Variants in PTPDC1 observed in about 807,000 individuals in gnomAD.
The protein encoded by PTPDC1 is protein tyrosine phosphatase domain containing 1, also known as protein tyrosine phosphatase domain-containing protein 1.
In PTPDC1, 53 loss-of-function variants were observed where a neutral mutation model predicts 75.3. The ratio of observed to expected loss-of-function variants is 0.70; its 90% CI spans 0.56 to 0.88. The LOEUF (loss-of-function observed/expected upper bound fraction) is 0.88. Ranked by LOEUF, PTPDC1 falls within the 40% of genes least tolerant of loss-of-function variation. PTPDC1 has a pLI of 0.00. For synonymous variants in PTPDC1, 349 were observed against 366.2 expected, an observed-to-expected ratio of 0.95 and a Z score of 0.54; for missense variants, 925 against 998.6, an observed-to-expected ratio of 0.93 and a Z score of 0.99.
intron 6 of PTPDC1, 170 bp downstream of exon 6, chr9:94,098,749 A>G (rs1440145557): frequency 3.1e-6 from 2 of 644,664 alleles, no homozygotes; most frequent in East Asian, 2.7e-5. Context: ...TGTTATAGAA[A>G]AAACACAGGG....
In PTPDC1 at chr9:94,097,678, C is replaced by G. The variant is rs376729467; in HGVS notation, c.1112C>G (p.Ser371Cys). The G allele has an allele frequency of 1.8e-5, 29 of 1,614,084 alleles. No individual in the cohort carries two copies. The highest frequency in any genetic ancestry group is 2.5e-5 in the Non-Finnish European group (29 of 1,180,046). The change falls in exon 6 of 9, where the codon TCT (serine) becomes TGT (cysteine). Residue 371 changes from serine (S) to cysteine (C), a missense_variant. Transcript: ENST00000620992. ...MKDVSEGPGL[S>C]AEIEKTMSEM... The stretch of plus-strand genomic sequence containing the variant: ...GATGTGTCCGAAGGACCTGGTCTCT[C>G]TGCTGAAATAGAAAAGACAATGTCT...
upstream of PTPDC1, among the ~76,000 whole-genome samples, chr9:94,083,358 C>A (rs145689261): frequency 1.9e-4 from 29 of 152,054 alleles, 1 homozygote; most frequent in East Asian, 4.6e-3. Flanking sequence ...GACACCAAAT[C>A]GGGATTCTGT....
Position 94,085,333 on chromosome 9 carries a change from C to T in PTPDC1, c.327C>T (p.Ser109=), listed in dbSNP as rs749973467. The change falls in exon 2 of 9, where the codon TCC becomes TCT. Residue 109 remains serine, a synonymous_variant. Coordinates refer to ENST00000620992, the MANE Select transcript of PTPDC1 (RefSeq NM_001253829.2). ...RHVIPGHMAC[S]MACGGRACKY... is the part of the protein sequence containing the mutation. ...TCATTCCTGGACACATGGCATGTTC[C>T]ATGGCGTGTGGCGGTAGAGCTTGCA... 1.9e-6 allele frequency: 3 copies of T among 1,614,188 alleles called. No individual in the cohort carries two copies.
chr9:94,097,977 C>T lies in PTPDC1; in HGVS notation c.1411C>T (p.Gln471Ter). The change falls in exon 6 of 9, where the codon CAG becomes TAG. Residue 471 changes from glutamine (Q) to a stop codon, truncating the protein, a stop_gained. Coordinates refer to ENST00000620992, the MANE Select transcript of PTPDC1 (RefSeq NM_001253829.2). LOFTEE classifies it high-confidence loss of function. ...QGETPQTVPA[Q>*]ILVGHKPRQQ... ...GGAGACTCCACAGACAGTGCCTGCCCAGATCTTGGTTGGCCACAAGCCCAG... is the reference window on the plus strand; with the variant it reads ...GGAGACTCCACAGACAGTGCCTGCCTAGATCTTGGTTGGCCACAAGCCCAG... The T allele has an allele frequency of 6.2e-7, 1 of 1,614,180 alleles. No homozygotes were observed. Among genetic ancestry groups the T allele is most frequent in the Non-Finnish European group, 8.5e-7 (1 of 1,180,036 alleles).
chr9:94,072,888 TA>T lies in PTPDC1; in HGVS notation c.82+8069del, dbSNP rs554627641. The stretch of plus-strand genomic sequence containing the variant: ...ATAAATTTCATTTGGTAGTGGTGTA[TA>T]ATTCTTTTTATGCATTGCTGGATTT... On this transcript the variant is annotated intron_variant, in intron 2 of 9. Coordinates refer to the PTPDC1 transcript ENST00000375360. Among the ~76,000 whole-genome samples, 215 of 152,348 alleles carry T rather than the reference TA, an allele frequency of 1.4e-3. 1 individual carries two copies. Among genetic ancestry groups the T allele is most frequent in the Middle Eastern group, 6.8e-3 (2 of 294 alleles).
At chr9:94,092,502 C>G (rs1304018952) in intron 4 of PTPDC1, among the ~76,000 whole-genome samples, 1 of 147,170 alleles carries the variant, frequency 6.8e-6, no homozygotes, top group Non-Finnish European at 1.5e-5. Flanking sequence ...CTTTACTTCC[C>G]AGTATGTGGT....
rs553739317 is a variant in PTPDC1 at position 94,069,180 on chromosome 9, GA to G, written c.82+4360del. Among the ~76,000 whole-genome samples, 6 of 152,216 alleles carry G rather than the reference GA, an allele frequency of 3.9e-5. No individual in the cohort carries two copies. In the South Asian group the frequency reaches 1.2e-3, roughly 32 times the overall value. On this transcript the variant is annotated intron_variant, in intron 2 of 9. Transcript: ENST00000375360. ...TCATGATTCCCAACCCCTTTTAGGG[GA>G]CAAAGCTGGGAAATATGTGTTCATA...
In PTPDC1 at chr9:94,104,116, T is replaced by G. The variant is rs553929675; in HGVS notation, c.2200-159T>G. ...TTCAAATTATATTAACACATAACAA[T>G]AAACATTTGTTGATGTTTAGATATT... On this transcript the variant is annotated intron_variant, in intron 7 of 8. Coordinates refer to ENST00000620992, the MANE Select transcript of PTPDC1 (RefSeq NM_001253829.2). 8.9e-4 allele frequency among the ~76,000 whole-genome samples: 135 copies of G among 152,352 alleles called. No individual in the cohort carries two copies. In the Middle Eastern group the frequency reaches 0.01, roughly 12 times the overall value.
Position 94,087,835 on chromosome 9 carries a change from A to G in PTPDC1, c.421A>G (p.Thr141Ala). ...AGTCCCTCCACCTATTTGCAGGGTC[A>G]CTGATAATATACTGGCCATGGCCCG... ...AIKGVYSSWV[T>A]DNILAMARPS... Residue 141 changes from threonine to alanine, a missense_variant, in exon 3 of 9, where the codon ACT becomes GCT. By Grantham distance (58) the Thr-to-Ala change is moderately conservative (BLOSUM62 0). Transcript: ENST00000620992. 6.2e-7 allele frequency: 1 copy of G among 1,612,798 alleles called. No homozygotes were observed. The highest frequency in any genetic ancestry group is 1.3e-5 in the African/African-American group (1 of 75,016).
intron 1 of PTPDC1, chr9:94,031,202 A>G (rs916254984): frequency 1.3e-5 from 2 of 152,166 alleles, no homozygotes; most frequent in African/African-American, 4.8e-5. Flanking sequence ...ACGTCTAGAT[A>G]TTAAGTGATG....
intron 4 of PTPDC1, among the ~76,000 whole-genome samples, chr9:94,091,411 C>A (rs1827313261): frequency 6.6e-6 from 1 of 151,958 alleles, no homozygotes. Flanking sequence ...ATTGAACCAG[C>A]CTTGCATCCC....
At chr9:94,036,986 T>TA (rs1825292914) in intron 1 of PTPDC1, among the ~76,000 whole-genome samples, 1 of 152,238 alleles carries the variant, frequency 6.6e-6, no homozygotes, top group Admixed American at 6.5e-5. Context: ...TTTGAGCACT[T>TA]ACTATGTGCC....
At position 94,088,224 on chromosome 9, in the gene PTPDC1, G is replaced by A. The variant is rs1827147036; in HGVS notation, c.577G>A (p.Gly193Ser). 6.2e-7 allele frequency: 1 copy of A among 1,613,810 alleles called. No individual in the cohort carries two copies. The highest frequency in any genetic ancestry group is 8.5e-7 in the Non-Finnish European group (1 of 1,179,962). Residue 193 changes from glycine (G) to serine (S), a missense_variant, in exon 4 of 9, where the codon GGC becomes AGC. Gly to Ser is a moderately conservative substitution (Grantham distance 56, BLOSUM62 0). Coordinates refer to ENST00000620992, the MANE Select transcript of PTPDC1 (RefSeq NM_001253829.2). ...SCGNPLEQESGFTYLPEAFME... is the reference protein window; with the variant it reads ...SCGNPLEQESSFTYLPEAFME... ...TGGGAACCCTCTGGAACAAGAAAGT[G>A]GCTTCACATACCTTCCTGAGGCTTT...
At chr9:94,038,105 A>G in intron 1 of PTPDC1, 1 of 559,496 alleles carries the variant, frequency 1.8e-6, no homozygotes, top group Non-Finnish European at 3.4e-6. Flanking sequence ...AAAGGGAGGC[A>G]AGCATAAGAC....
At chr9:94,093,636 G>A (rs1400103948) in intron 4 of PTPDC1, among the ~76,000 whole-genome samples, 11 of 151,106 alleles carry the variant, frequency 7.3e-5, no homozygotes, top group African/African-American at 2.2e-4. Context: ...GGCCTGCCTT[G>A]CTAGATTGGG....
Position 94,088,210 on chromosome 9 carries a change from T to C in PTPDC1, c.563T>C (p.Leu188Pro). The change falls in exon 4 of 9, where the codon CTG becomes CCG. Residue 188 changes from leucine to proline, a missense_variant. Physicochemically the swap from Leu to Pro is moderately conservative, Grantham distance 98. Transcript: ENST00000620992. ...PGEHASCGNP[L>P]EQESGFTYLP... The stretch of plus-strand genomic sequence containing the variant: ...GAGCATGCTAGCTGTGGGAACCCTC[T>C]GGAACAAGAAAGTGGCTTCACATAC... The C allele has an allele frequency of 6.2e-7, 1 of 1,614,014 alleles. No homozygotes were observed. The highest frequency in any genetic ancestry group is 1.1e-5 in the South Asian group (1 of 91,066).
intron 2 of PTPDC1, among the ~76,000 whole-genome samples, chr9:94,069,147 C>G (rs1826420917): frequency 6.6e-6 from 1 of 152,208 alleles, no homozygotes; most frequent in African/African-American, 2.4e-5. Context: ...CTCACTACTA[C>G]TGGTATATCA....
At chr9:94,044,837 T>C (rs1051973343) in intron 1 of PTPDC1, among the ~76,000 whole-genome samples, 1 of 151,398 alleles carries the variant, frequency 6.6e-6, no homozygotes, top group Non-Finnish European at 1.5e-5. Flanking sequence ...AAACATCAAG[T>C]CTCTCACTAT....
chr9:94,070,431 G>C (rs1244958192), intron 2 of PTPDC1, among the ~76,000 whole-genome samples: 1 of 152,050 alleles, frequency 6.6e-6, no homozygotes, highest in Non-Finnish European at 1.5e-5. Flanking sequence ...CTTTCTCTTT[G>C]ATTATATATA....
Sources: allele counts gnomAD v4.1 joint callset (sites outside exome capture counted in the v4.1 genomes callset), GRCh38; gene constraint gnomAD v4.1.1; transcripts MANE v1.5; gene names NCBI Gene and HGNC (gene_info 2026-07-23, HGNC 2026-07-21).